The following PRKN variants were observed in gnomAD, a reference collection of about 807,000 sequenced individuals.
PRKN encodes parkin RBR E3 ubiquitin protein ligase.
PRKN carries 56 observed loss-of-function variants against 59.5 expected under a neutral mutation model. That is an observed-to-expected ratio of 0.94 (90% CI 0.76 to 1.18). PRKN has a LOEUF of 1.18. Ranked by LOEUF, PRKN falls within the 50% of genes most tolerant of loss-of-function variation. The pLI, the probability that PRKN is intolerant of heterozygous loss-of-function variation, is 0.00. For synonymous variants in PRKN, 250 were observed against 222.1 expected (o/e 1.13, Z -1.12); for missense variants, 657 against 596.4 (o/e 1.10, Z -1.06).
intron 9 of PRKN, among the ~76,000 whole-genome samples, chr6:161,389,006 A>G (rs931260610): frequency 6.6e-6 from 1 of 152,242 alleles, no homozygotes; most frequent in South Asian, 2.1e-4. Flanking sequence ...TCAAAAATTT[A>G]CAGAGACTTA....
chr6:161,806,374 C>T (rs1583188379), intron 6 of PRKN, among the ~76,000 whole-genome samples: 1 of 152,320 alleles, frequency 6.6e-6, no homozygotes, highest in Non-Finnish European at 1.5e-5. Context: ...GATGTTTGGA[C>T]TCGAAAGCAC....
At chr6:162,199,634 A>G (rs1452408692) in intron 4 of PRKN, among the ~76,000 whole-genome samples, 1 of 152,192 alleles carries the variant, frequency 6.6e-6, no homozygotes, top group Non-Finnish European at 1.5e-5. Flanking sequence ...TTGGGCCTGC[A>G]GCATGCTGCC....
At position 162,116,704 on chromosome 6, in the gene PRKN, G is replaced by T. The variant is rs186262192; in HGVS notation, c.535-62530C>A. On this transcript the variant is annotated intron_variant, in intron 4 of 11. Transcript: ENST00000366898. Reference sequence around the variant, plus strand: ...TGTAAGGTGCTCACAGTCTAGACAGGCAGAGAATAGGAAATATAGAACAGC... The same window carrying T: ...TGTAAGGTGCTCACAGTCTAGACAGTCAGAGAATAGGAAATATAGAACAGC... Among the ~76,000 whole-genome samples the T allele has an allele frequency of 3.7e-3, 559 of 152,250 alleles. 5 individuals carry two copies. The highest frequency in any genetic ancestry group is 0.013 in the African/African-American group (520 of 41,548).
At chr6:161,382,111 C>CAAAAAAAAA (rs59174358) in intron 10 of PRKN, among the ~76,000 whole-genome samples, 2,075 of 46,066 alleles carry the variant, frequency 0.045, 115 homozygotes, top group Non-Finnish European at 0.072. Flanking sequence ...GACTCCATCT[C>CAAAAAAAAA]AAAAAAAAAA....
intron 7 of PRKN, among the ~76,000 whole-genome samples, chr6:161,673,302 G>A (rs1305894059): frequency 2.0e-5 from 3 of 152,172 alleles, no homozygotes; most frequent in Non-Finnish European, 4.4e-5. Flanking sequence ...GGAGAAGGAG[G>A]CAAGTCCTCA....
intron 4 of PRKN, among the ~76,000 whole-genome samples, chr6:162,116,284 C>G (rs952687996): frequency 6.6e-5 from 10 of 152,194 alleles, no homozygotes; most frequent in Non-Finnish European, 1.5e-4. Context: ...ACTGACTCCA[C>G]AGAAAAGTCA....
intron 7 of PRKN, among the ~76,000 whole-genome samples, chr6:161,614,963 C>CAGAGAGAGAGAG (rs71694349): frequency 2.0e-5 from 3 of 147,226 alleles, no homozygotes; most frequent in African/African-American, 7.5e-5. Flanking sequence ...GAGAGGAAGA[C>CAGAGAGAGAGAG]AGAGAGAGAG....
chr6:161,771,123 G>A (rs571568613), intron 7 of PRKN, among the ~76,000 whole-genome samples: 135 of 152,112 alleles, frequency 8.9e-4, no homozygotes, highest in Non-Finnish European at 1.1e-3. Flanking sequence ...TTGGGAGGCC[G>A]AGGTGGGCGG....
chr6:161,570,146 A>AAAAAAAAT (rs869285771), intron 7 of PRKN, among the ~76,000 whole-genome samples: 11 of 76,578 alleles, frequency 1.4e-4, no homozygotes, highest in African/African-American at 7.5e-4. Context: ...AAAAAAAAAA[A>AAAAAAAAT]ATATATATAT....
rs1239816609 is a variant in PRKN at position 161,348,696 on chromosome 6, C to A, written c.*1403G>T. The A allele has an allele frequency of 4.8e-6, 1 of 210,326 alleles. No individual in the cohort carries two copies. Among genetic ancestry groups the A allele is most frequent in the Non-Finnish European group, 9.6e-6 (1 of 103,658 alleles). 13.0% of individuals were successfully genotyped at this position (210,326 alleles called of 1,614,324 possible). Reference sequence around the variant, plus strand: ...TTGCCGATTTAATAATTTACAGTCTCTAAATCCAAAAGGGCCTCCATGTGC... The same window carrying A: ...TTGCCGATTTAATAATTTACAGTCTATAAATCCAAAAGGGCCTCCATGTGC... On this transcript the variant is annotated 3_prime_UTR_variant, in exon 12 of 12. Transcript: ENST00000366898. This position sits in a 1 kb window ranked among gnomAD's most constrained non-coding sequence, Gnocchi z 4.9.
chr6:162,644,577 A>G (rs1167351265), intron 1 of PRKN, among the ~76,000 whole-genome samples: 1 of 152,148 alleles, frequency 6.6e-6, no homozygotes, highest in Admixed American at 6.6e-5. Flanking sequence ...TCAGAAAGGC[A>G]GGCACTCCCC....
intron 2 of PRKN, among the ~76,000 whole-genome samples, chr6:162,306,775 A>G (rs1170402253): frequency 6.6e-6 from 1 of 152,188 alleles, no homozygotes; most frequent in East Asian, 1.9e-4. Context: ...TGGTTAGGCC[A>G]CAACCTCAAA....
intron 6 of PRKN, among the ~76,000 whole-genome samples, chr6:161,793,012 C>T (rs928687758): frequency 6.6e-6 from 1 of 152,084 alleles, no homozygotes; most frequent in Non-Finnish European, 1.5e-5. Context: ...AAGAAGTAAC[C>T]GGCACAGCGC....
At chr6:162,041,690 CTCAGTATATCAT>C (rs1340794361) in intron 5 of PRKN, among the ~76,000 whole-genome samples, 1 of 152,146 alleles carries the variant, frequency 6.6e-6, no homozygotes, top group Admixed American at 6.6e-5. Context: ...ACCCATAGTT[CTCAGTATATCAT>C]TGCATGGCTT....
In PRKN at chr6:161,451,405, T is replaced by C. The variant is rs1789735244; in HGVS notation, c.1084-64528A>G. The stretch of plus-strand genomic sequence containing the variant: ...AAGTTAGGATGTGGCCTGATTAGCA[T>C]AGGCAGAGTACTGAGAAGCCTTCCT... On this transcript the variant is annotated intron_variant, in intron 9 of 11. Coordinates refer to ENST00000366898, the MANE Select transcript of PRKN (RefSeq NM_004562.3). The surrounding 1 kb of genome is among the most constrained non-coding windows in gnomAD (Gnocchi z 5.9). Among the ~76,000 whole-genome samples, 3 of 152,166 alleles carry C rather than the reference T, an allele frequency of 2.0e-5. No individual in the cohort carries two copies. Among genetic ancestry groups the C allele is most frequent in the South Asian group, 2.1e-4 (1 of 4,824 alleles).
chr6:162,303,683 T>C (rs183751664), intron 2 of PRKN, among the ~76,000 whole-genome samples: 115 of 152,338 alleles, frequency 7.5e-4, no homozygotes, highest in African/African-American at 2.5e-3. Context: ...ATCTCTACTT[T>C]ACAAAAGATG....
At chr6:161,763,311 T>C (rs542611005) in intron 7 of PRKN, among the ~76,000 whole-genome samples, 1 of 152,214 alleles carries the variant, frequency 6.6e-6, no homozygotes, top group African/African-American at 2.4e-5. Flanking sequence ...TGTAGATGCA[T>C]GGAGACAAAG....
chr6:162,459,153 A>C (rs2128173505), intron 1 of PRKN, among the ~76,000 whole-genome samples: 1 of 152,230 alleles, frequency 6.6e-6, no homozygotes, highest in Middle Eastern at 3.4e-3. Flanking sequence ...GCCAACAGAA[A>C]TTACTGATTC....
intron 1 of PRKN, among the ~76,000 whole-genome samples, chr6:162,469,344 G>T (rs1280099370): frequency 6.9e-6 from 1 of 144,028 alleles, no homozygotes; most frequent in Non-Finnish European, 1.5e-5. Flanking sequence ...AAAGTGGGGG[G>T]GTTGCAGGGG....
Sources: allele counts gnomAD v4.1 joint callset (sites outside exome capture counted in the v4.1 genomes callset), GRCh38; gene constraint gnomAD v4.1.1; non-coding constraint Gnocchi (gnomAD v3.1); transcripts MANE v1.5; gene names NCBI Gene and HGNC (gene_info 2026-07-23, HGNC 2026-07-21).